NRG1: variants seen among roughly 807,000 people sequenced by gnomAD.
NRG1 encodes the protein pro-neuregulin-1, membrane-bound isoform.
In NRG1, 18 loss-of-function variants were observed where a neutral mutation model predicts 63.8. The observed-to-expected ratio is 0.28, with a 90% CI of 0.19 to 0.42. NRG1 has a LOEUF of 0.42. NRG1 is among the 10% of genes least tolerant of loss of function. NRG1 has a pLI of 1.00. For missense variants in NRG1, 762 were observed against 814.7 expected (o/e 0.94, Z 0.79); for synonymous variants, 302 against 301.3 (o/e 1.00, Z -0.02).
chr8:32,625,604 A>G (rs2129543177), intron 5 of NRG1, among the ~76,000 whole-genome samples: 1 of 152,266 alleles, frequency 6.6e-6, no homozygotes, highest in East Asian at 1.9e-4. Context: ...TTTTAAAGCA[A>G]TTTTGGACTA....
intron 1 of NRG1, among the ~76,000 whole-genome samples, chr8:32,287,963 G>A (rs1853736717): frequency 6.6e-6 from 1 of 152,118 alleles, no homozygotes; most frequent in Non-Finnish European, 1.5e-5. Flanking sequence ...TATATATATA[G>A]CATTGTATTT....
chr8:32,585,740 T>G (rs1187287649), intron 1 of NRG1, among the ~76,000 whole-genome samples: 7 of 152,236 alleles, frequency 4.6e-5, no homozygotes, highest in African/African-American at 1.7e-4. Context: ...TTCAGCAATT[T>G]TGCATATCTA....
At chr8:32,166,258 G>A (rs1272602822) in intron 1 of NRG1, among the ~76,000 whole-genome samples, 3 of 152,096 alleles carry the variant, frequency 2.0e-5, no homozygotes, top group South Asian at 2.1e-4. Context: ...TCATAAATCA[G>A]TAATTATTTG....
At chr8:32,498,682 A>C (rs556687074) in intron 1 of NRG1, among the ~76,000 whole-genome samples, 11 of 152,214 alleles carry the variant, frequency 7.2e-5, no homozygotes, top group Non-Finnish European at 1.3e-4. Flanking sequence ...GGACACAGCC[A>C]AACCATATCA....
intron 5 of NRG1, among the ~76,000 whole-genome samples, chr8:32,718,400 A>G (rs893077870): frequency 1.2e-4 from 18 of 152,208 alleles, no homozygotes; most frequent in African/African-American, 4.1e-4. Context: ...TTTTCTTGCA[A>G]ACACTGTTAT....
At chr8:32,765,154 G>A (rs1386451163) in exon 12 of NRG1, 1 of 151,974 alleles carries the variant, frequency 6.6e-6, no homozygotes, top group Non-Finnish European at 1.5e-5. Flanking sequence ...TAGAAAATGG[G>A]TTCTGGCTTG....
intron 1 of NRG1, among the ~76,000 whole-genome samples, chr8:32,273,130 T>C (rs1851721547): frequency 6.6e-6 from 1 of 152,178 alleles, no homozygotes; most frequent in Non-Finnish European, 1.5e-5. Flanking sequence ...ATCAGCCTGG[T>C]TGTGGCCAAA....
chr8:31,823,117 C>CTTTTTTTTTT (rs147209584), intron 1 of NRG1, among the ~76,000 whole-genome samples: 18 of 77,960 alleles, frequency 2.3e-4, no homozygotes, highest in Admixed American at 6.3e-4. Context: ...TGTCCTTGTT[C>CTTTTTTTTTT]TTTTTTTTTT....
At chr8:31,818,334 G>A (rs1045406285) in intron 1 of NRG1, among the ~76,000 whole-genome samples, 1 of 152,074 alleles carries the variant, frequency 6.6e-6, no homozygotes, top group Admixed American at 6.5e-5. Context: ...CCATCAAATA[G>A]GTTTTACGGT....
intron 1 of NRG1, among the ~76,000 whole-genome samples, chr8:32,059,627 A>T (rs1194253763): frequency 6.6e-6 from 1 of 151,982 alleles, no homozygotes; most frequent in African/African-American, 2.4e-5. Context: ...ATTGTTGTTG[A>T]TGAGAAGTCA....
intron 1 of NRG1, among the ~76,000 whole-genome samples, chr8:32,512,071 C>T (rs1428531452): frequency 6.6e-6 from 1 of 151,660 alleles, no homozygotes; most frequent in Non-Finnish European, 1.5e-5. Context: ...CCTGAGCTGG[C>T]CTTCTTCATA....
intron 5 of NRG1, among the ~76,000 whole-genome samples, chr8:32,657,778 A>C (rs1801867174): frequency 6.6e-6 from 1 of 152,208 alleles, no homozygotes. Flanking sequence ...TGATTGTTAC[A>C]TGATGCTAAG....
intron 1 of NRG1, among the ~76,000 whole-genome samples, chr8:32,263,732 G>T (rs1439316109): frequency 6.6e-6 from 1 of 152,074 alleles, no homozygotes; most frequent in Admixed American, 6.6e-5. Context: ...GATTATCGTG[G>T]GTGGGCCCCA....
At chr8:31,838,649 C>T (rs1182196526) in intron 1 of NRG1, among the ~76,000 whole-genome samples, 2 of 151,994 alleles carry the variant, frequency 1.3e-5, no homozygotes, top group Non-Finnish European at 2.9e-5. Context: ...TAACTTTTAC[C>T]ATCTATAATT....
chr8:32,111,395 G>C (rs1326169407), intron 1 of NRG1, among the ~76,000 whole-genome samples: 1 of 152,162 alleles, frequency 6.6e-6, no homozygotes, highest in East Asian at 1.9e-4. Context: ...GGGATTACAG[G>C]CATGAGCCAC....
intron 1 of NRG1, among the ~76,000 whole-genome samples, chr8:32,449,899 G>A (rs994001497): frequency 3.9e-5 from 6 of 152,180 alleles, no homozygotes; most frequent in Non-Finnish European, 8.8e-5. Flanking sequence ...CTATGCAATC[G>A]TGAAGATTTA....
intron 1 of NRG1, among the ~76,000 whole-genome samples, chr8:32,048,579 C>T (rs1160639605): frequency 6.6e-6 from 1 of 150,954 alleles, no homozygotes; most frequent in Non-Finnish European, 1.5e-5. Flanking sequence ...AATTTCCATT[C>T]CCACCAGCAA....
chr8:32,534,723 T>C (rs1284176449), intron 1 of NRG1, among the ~76,000 whole-genome samples: 1 of 152,192 alleles, frequency 6.6e-6, no homozygotes, highest in Non-Finnish European at 1.5e-5. Context: ...AACAGTTTAA[T>C]CAATGTATAA....
At chr8:31,991,371 C>CTT (rs1811048944) in intron 1 of NRG1, among the ~76,000 whole-genome samples, 1 of 149,204 alleles carries the variant, frequency 6.7e-6, no homozygotes, top group South Asian at 2.2e-4. Flanking sequence ...CTTTCCTCCT[C>CTT]CTCCTCCTCT....
Sources: allele counts gnomAD v4.1 joint callset (sites outside exome capture counted in the v4.1 genomes callset), GRCh38; gene constraint gnomAD v4.1.1; transcripts MANE v1.5; gene names NCBI Gene and HGNC (gene_info 2026-07-23, HGNC 2026-07-21).